Variants in CEP112 observed in about 807,000 individuals in gnomAD.
CEP112 encodes centrosomal protein of 112 kDa.
Under a neutral mutation model 153.0 loss-of-function variants are expected in CEP112, and 127 were observed. That is an observed-to-expected ratio of 0.83 (90% CI 0.72 to 0.96). The LOEUF is 0.96. CEP112 is among the 40% of genes least tolerant of loss of function. The pLI, the probability that CEP112 is intolerant of heterozygous loss-of-function variation, is 0.00. For synonymous variants in CEP112, 358 were observed against 374.4 expected, an observed-to-expected ratio of 0.96 and a Z score of 0.51; for missense variants, 1,089 against 1,101.2, an observed-to-expected ratio of 0.99 and a Z score of 0.16.
chr17:65,840,471 G>A lies in CEP112; in HGVS notation c.2394+11333C>T, dbSNP rs1268338680. Among the ~76,000 whole-genome samples, 9 of 151,928 alleles carry A rather than the reference G, an allele frequency of 5.9e-5. 1 individual carries two copies. The highest frequency in any genetic ancestry group is 1.2e-4 in the African/African-American group (5 of 41,380). On this transcript the variant is annotated intron_variant, in intron 21 of 26. Transcript: ENST00000535342. ...CCCATATTTAGAAGAATGAAACCAGGACCCTATCTCTCACCATATACAAAA... is the reference window on the plus strand; with the variant it reads ...CCCATATTTAGAAGAATGAAACCAGAACCCTATCTCTCACCATATACAAAA...
At chr17:65,831,584 G>A (rs1458390602) in intron 21 of CEP112, among the ~76,000 whole-genome samples, 2 of 150,372 alleles carry the variant, frequency 1.3e-5, no homozygotes, top group East Asian at 3.9e-4. Flanking sequence ...ACAAATTTCA[G>A]AAAATCACAA....
At chr17:65,860,027 A>C (rs1026925973) in intron 20 of CEP112, among the ~76,000 whole-genome samples, 32 of 151,336 alleles carry the variant, frequency 2.1e-4, no homozygotes, top group Non-Finnish European at 4.3e-4. Flanking sequence ...AAAAAAAAAA[A>C]AAACAAAAAC....
intron 1 of CEP112, among the ~76,000 whole-genome samples, chr17:66,186,983 G>A (rs60486557): frequency 0.28 from 42,851 of 152,076 alleles, 6,288 homozygotes; most frequent in Non-Finnish European, 0.32. Flanking sequence ...ATCAGACGCA[G>A]TAACTCTCCC....
At chr17:66,103,499 T>A (rs2068651663) in intron 6 of CEP112, among the ~76,000 whole-genome samples, 4 of 152,194 alleles carry the variant, frequency 2.6e-5, no homozygotes, top group Admixed American at 1.3e-4. Flanking sequence ...ATAATAGAAC[T>A]AATAAGAGTT....
In CEP112 at chr17:65,635,957, A is replaced by G; in HGVS notation, c.*14T>C. 2 of 1,600,096 alleles carry G rather than the reference A, an allele frequency of 1.2e-6. No homozygotes were observed. Among genetic ancestry groups the G allele is most frequent in the Non-Finnish European group, 1.7e-6 (2 of 1,171,812 alleles). ...ACAGCCTGGAAATTGCATCCGTTGC[A>G]TTCTCTCGTGCAGTTACCTGTAAAC... On this transcript the variant is annotated 3_prime_UTR_variant, in exon 27 of 27. Coordinates refer to ENST00000535342, the MANE Select transcript of CEP112 (RefSeq NM_001199165.4).
At chr17:65,749,494 C>A (rs546292526) in intron 22 of CEP112, among the ~76,000 whole-genome samples, 1 of 151,538 alleles carries the variant, frequency 6.6e-6, no homozygotes, top group East Asian at 1.9e-4. Flanking sequence ...GGCAACAGAG[C>A]GAGGCTCTGT....
chr17:66,128,014 A>T (rs1055062312), intron 6 of CEP112, among the ~76,000 whole-genome samples: 2 of 152,066 alleles, frequency 1.3e-5, no homozygotes, highest in African/African-American at 4.8e-5. Context: ...ATAAAGACCT[A>T]AAACGGCCAG....
At chr17:65,922,819 G>A (rs1439560261) in intron 19 of CEP112, among the ~76,000 whole-genome samples, 1 of 151,904 alleles carries the variant, frequency 6.6e-6, no homozygotes, top group African/African-American at 2.4e-5. Context: ...ATTATACTTT[G>A]TAACTATAGC....
chr17:66,078,865 C>T (rs1286013739), intron 8 of CEP112, among the ~76,000 whole-genome samples: 1 of 152,086 alleles, frequency 6.6e-6, no homozygotes, highest in African/African-American at 2.4e-5. Flanking sequence ...AAAGACTGTA[C>T]TTGTCTTTCA....
chr17:66,056,508 T>C (rs1461495585), intron 11 of CEP112, among the ~76,000 whole-genome samples: 2 of 152,208 alleles, frequency 1.3e-5, no homozygotes, highest in Admixed American at 6.5e-5. Context: ...GATGAATGGA[T>C]AGGCAAAATG....
chr17:66,034,472 A>G (rs1371712393), intron 12 of CEP112, among the ~76,000 whole-genome samples: 2 of 152,176 alleles, frequency 1.3e-5, no homozygotes, highest in Non-Finnish European at 2.9e-5. Flanking sequence ...TCAAATTGCT[A>G]AAGAAATAAA....
At chr17:66,058,446 T>G (rs558598423) in intron 11 of CEP112, among the ~76,000 whole-genome samples, 1 of 152,134 alleles carries the variant, frequency 6.6e-6, no homozygotes, top group South Asian at 2.1e-4. Context: ...ATCTATAGAT[T>G]CAACACTATC....
At chr17:65,654,183 G>T (rs1182740747) in intron 24 of CEP112, among the ~76,000 whole-genome samples, 1 of 152,040 alleles carries the variant, frequency 6.6e-6, no homozygotes, top group African/African-American at 2.4e-5. Flanking sequence ...TTCTTATTGG[G>T]GTTAAAGTAT....
chr17:65,667,978 C>A lies in CEP112; in HGVS notation c.2697+21151G>T, dbSNP rs12603780. On this transcript the variant is annotated intron_variant, in intron 24 of 26. Coordinates refer to ENST00000535342, the MANE Select transcript of CEP112 (RefSeq NM_001199165.4). ...GTGGCGCAGTCTCCACTCACTGCAA[C>A]CTCAGCCTCCCAGATTCAAGTGATT... 2.1e-3 allele frequency among the ~76,000 whole-genome samples: 315 copies of A among 151,896 alleles called. 11 individuals are homozygous for A. The East Asian group carries it at 0.054, about 26-fold the overall frequency.
rs759972978 is a variant in CEP112 at position 65,676,064 on chromosome 17, C to T, written c.2697+13065G>A. On this transcript the variant is annotated intron_variant, in intron 24 of 26. Transcript: ENST00000535342. ...TTTAAAAATGCCATTTAAGGCCAGG[C>T]GCAGTGGTTCACGTAGCACTGCACA... Among the ~76,000 whole-genome samples, 37 of 152,242 alleles carry T rather than the reference C, an allele frequency of 2.4e-4. 1 individual carries two copies. The highest frequency in any genetic ancestry group is 1.9e-3 in the South Asian group (9 of 4,812).
At chr17:66,162,918 C>T (rs1172552542) in intron 4 of CEP112, among the ~76,000 whole-genome samples, 1 of 151,714 alleles carries the variant, frequency 6.6e-6, no homozygotes, top group African/African-American at 2.4e-5. Context: ...AACATTTTAC[C>T]AAAAGACAAA....
intron 23 of CEP112, among the ~76,000 whole-genome samples, chr17:65,698,408 C>T (rs1289227589): frequency 6.6e-6 from 1 of 152,162 alleles, no homozygotes; most frequent in Non-Finnish European, 1.5e-5. Context: ...CACCTATTTT[C>T]AGTCCTTTAA....
intron 20 of CEP112, among the ~76,000 whole-genome samples, chr17:65,857,489 C>T (rs2058165090): frequency 1.3e-5 from 2 of 152,210 alleles, no homozygotes; most frequent in Admixed American, 6.5e-5. Flanking sequence ...ATCCGCCCAC[C>T]TCAGCCTCCC....
chr17:66,063,939 T>C lies in CEP112; in HGVS notation c.956-858A>G, dbSNP rs548951173. 1.6e-4 allele frequency among the ~76,000 whole-genome samples: 25 copies of C among 152,240 alleles called. No individual in the cohort carries two copies. In the East Asian group the frequency reaches 2.1e-3, roughly 13 times the overall value. On this transcript the variant is annotated intron_variant, in intron 10 of 26. Coordinates refer to ENST00000535342, the MANE Select transcript of CEP112 (RefSeq NM_001199165.4). The stretch of plus-strand genomic sequence containing the variant: ...ACATAGAATGCCCTTCCCTCCCTTA[T>C]TGAAAAACTCCTACTCATCCTTAGA...
Sources: gnomAD v4.1 joint callset for allele counts (sites outside exome capture counted in the v4.1 genomes callset) on GRCh38, gnomAD v4.1.1 for gene constraint, MANE v1.5 for transcripts, NCBI Gene and HGNC (gene_info 2026-07-23, HGNC 2026-07-21) for gene names.